The following DOCK5 variants were observed in gnomAD, a reference collection of about 807,000 sequenced individuals.
DOCK5 encodes dedicator of cytokinesis 5.
Under a neutral mutation model 251.8 loss-of-function variants are expected in DOCK5, and 142 were observed. That is an observed-to-expected ratio of 0.56 (90% CI 0.49 to 0.65). The LOEUF is 0.65. Ranked by LOEUF, DOCK5 falls within the 30% of genes least tolerant of loss-of-function variation. The pLI, the probability that DOCK5 is intolerant of heterozygous loss-of-function variation, is 0.00. For missense variants in DOCK5, 2,111 were observed against 2,312.3 expected (o/e 0.91, Z 1.79); for synonymous variants, 842 against 835.5 (o/e 1.01, Z -0.13).
chr8:25,390,320 T>A, intron 42 of DOCK5, 33 bp downstream of exon 42: 1 of 1,247,088 alleles, frequency 8.0e-7, no homozygotes, highest in Non-Finnish European at 1.1e-6. Context: ...AAAAAAAAAA[T>A]CTGTGTCTAG....
At chr8:25,267,475 G>T (rs892993133) in intron 2 of DOCK5, among the ~76,000 whole-genome samples, 5 of 152,232 alleles carry the variant, frequency 3.3e-5, no homozygotes, top group African/African-American at 1.2e-4. Context: ...AGTAGAGTAT[G>T]TGTCTATTTT....
chr8:25,359,162 C>T (rs530822603), intron 28 of DOCK5, 101 bp downstream of exon 28: 65 of 977,918 alleles, frequency 6.6e-5, no homozygotes, highest in Non-Finnish European at 9.3e-5. Context: ...TCTCTTCCCA[C>T]GCACCTCCGG....
rs747968927 is a variant in DOCK5 at position 25,368,721 on chromosome 8, A to G, written c.3434A>G (p.His1145Arg). 3.7e-6 allele frequency: 6 copies of G among 1,612,630 alleles called. No individual in the cohort carries two copies. The East Asian group carries it at 8.9e-5, about 24-fold the overall frequency. ...AATTTCAGTGGAAATGGCAATTTCCATATGGTAAGAAGTGGCAGACCGCGT... is the reference window on the plus strand; with the variant it reads ...AATTTCAGTGGAAATGGCAATTTCCGTATGGTAAGAAGTGGCAGACCGCGT... ...EFNFSGNGNF[H>R]MFENELITKL... Residue 1145 changes from histidine to arginine, a missense_variant, in exon 33 of 52, where the codon CAT (histidine) becomes CGT (arginine). Physicochemically the swap from His to Arg is conservative, Grantham distance 29 (BLOSUM62 0). Around this residue, in one of 3 missense-constraint regions of DOCK5, gnomAD observed 1,717 missense variants for 1,892.4 expected, o/e 0.91. Coordinates refer to ENST00000276440, the MANE Select transcript of DOCK5 (RefSeq NM_024940.8).
intron 34 of DOCK5, among the ~76,000 whole-genome samples, chr8:25,369,999 T>C (rs147225793): frequency 1.8e-4 from 27 of 152,366 alleles, no homozygotes; most frequent in Non-Finnish European, 3.5e-4. Flanking sequence ...GGAAAAAATA[T>C]TTCAAGGTCT....
chr8:25,206,977 G>C (rs1280681981), intron 1 of DOCK5, among the ~76,000 whole-genome samples: 3 of 152,300 alleles, frequency 2.0e-5, no homozygotes, highest in East Asian at 3.9e-4. Flanking sequence ...AGTGGCCCCT[G>C]TTCTTAGCAG....
At chr8:25,261,583 G>A (rs76058624) in intron 2 of DOCK5, among the ~76,000 whole-genome samples, 5,149 of 152,170 alleles carry the variant, frequency 0.034, 265 homozygotes, top group African/African-American at 0.11. Context: ...TTCATCTGAC[G>A]GTGTCAATTT....
chr8:25,393,291 G>A (rs1184633580), intron 44 of DOCK5, among the ~76,000 whole-genome samples: 1 of 152,092 alleles, frequency 6.6e-6, no homozygotes, highest in Non-Finnish European at 1.5e-5. Context: ...CCCAAAAGCT[G>A]CTTATTTTAC....
chr8:25,408,137 C>T lies in DOCK5; in HGVS notation c.5248C>T (p.Pro1750Ser), dbSNP rs1225927572. ...SKSQVIAEKA[P>S]EPDLMSPTRK... is the part of the protein sequence containing the mutation. ...GTCCCAGGTCATTGCAGAGAAAGCA[C>T]CAGAACCCGATTTGATGGTAAAAAA... The change falls in exon 49 of 52, where the codon CCA (proline) becomes TCA (serine). Residue 1750 changes from proline (P) to serine (S), a missense_variant. This residue lies in a region of DOCK5 where 1,717 missense variants were observed against 1,892.4 expected (regional missense o/e 0.91). Transcript: ENST00000276440. 5.7e-6 allele frequency: 9 copies of T among 1,589,720 alleles called. No homozygotes were observed. Among genetic ancestry groups the T allele is most frequent in the Non-Finnish European group, 7.7e-6 (9 of 1,168,488 alleles).
At chr8:25,234,192 G>A (rs553472382) in intron 1 of DOCK5, among the ~76,000 whole-genome samples, 1 of 152,310 alleles carries the variant, frequency 6.6e-6, no homozygotes, top group South Asian at 2.1e-4. Flanking sequence ...CATATAGAGA[G>A]GATAATCGGT....
chr8:25,245,191 G>A (rs1415724928), intron 2 of DOCK5, among the ~76,000 whole-genome samples: 1 of 151,924 alleles, frequency 6.6e-6, no homozygotes, highest in Non-Finnish European at 1.5e-5. Flanking sequence ...CAAGTAGCTG[G>A]GACTACAGGT....
rs1004296027 is a variant in DOCK5 at position 25,407,958 on chromosome 8, G to A, written c.5094-25G>A. 4 of 1,601,208 alleles carry A rather than the reference G, an allele frequency of 2.5e-6. No individual in the cohort carries two copies. The African/African-American group carries it at 5.4e-5, about 22-fold the overall frequency. On this transcript the variant is annotated intron_variant, in intron 48 of 51. Coordinates refer to ENST00000276440, the MANE Select transcript of DOCK5 (RefSeq NM_024940.8). The stretch of plus-strand genomic sequence containing the variant: ...TTGCAAGGTGATCAGTATTTGTGAT[G>A]TTTGTCCTTGTTCCTGGCCAATAGC...
At chr8:25,283,465 C>T (rs550431252) in intron 5 of DOCK5, among the ~76,000 whole-genome samples, 7 of 152,182 alleles carry the variant, frequency 4.6e-5, no homozygotes, top group East Asian at 3.9e-4. Context: ...CCGTGTTGAC[C>T]GCGTAGAACT....
At chr8:25,354,949 T>C (rs1432119597) in intron 27 of DOCK5, among the ~76,000 whole-genome samples, 1 of 152,098 alleles carries the variant, frequency 6.6e-6, no homozygotes, top group African/African-American at 2.4e-5. Flanking sequence ...ATCAAGATAT[T>C]TAGGCCAAGC....
intron 1 of DOCK5, among the ~76,000 whole-genome samples, chr8:25,241,247 C>CT (rs1802935034): frequency 1.3e-5 from 2 of 152,078 alleles, no homozygotes; most frequent in Non-Finnish European, 1.5e-5. Flanking sequence ...GAGGCTGAGG[C>CT]GGGTGGATCA....
At chr8:25,229,183 T>A (rs1368038644) in intron 1 of DOCK5, among the ~76,000 whole-genome samples, 1 of 152,092 alleles carries the variant, frequency 6.6e-6, no homozygotes, top group Non-Finnish European at 1.5e-5. Context: ...GTTTCTTGAC[T>A]TAAACAAATT....
At position 25,413,555 on chromosome 8, in the gene DOCK5, C is replaced by G. The variant is rs1336363891; in HGVS notation, c.*2257C>G. The G allele has an allele frequency of 1.3e-5, 2 of 152,194 alleles. No homozygotes were observed. The highest frequency in any genetic ancestry group is 1.9e-4 in the East Asian group (1 of 5,192). The allele number at this position is 152,194 out of a possible 1,614,324, so 9.4% of individuals were successfully genotyped here. A position where few individuals can be genotyped will look rare whatever the true frequency, so the allele number is the denominator to read the frequency against. ...CTAGAGGGGATTTGTGTGCCACACT[C>G]TACTTGCCGGGCTGCCATTAAAATA... is the stretch of plus-strand genomic sequence containing the variant. On this transcript the variant is annotated 3_prime_UTR_variant, in exon 52 of 52. Transcript: ENST00000276440.
At chr8:25,316,729 A>G (rs1805261839) in intron 13 of DOCK5, among the ~76,000 whole-genome samples, 1 of 152,206 alleles carries the variant, frequency 6.6e-6, no homozygotes, top group Non-Finnish European at 1.5e-5. Context: ...CTAACAATAT[A>G]TACTATGTAT....
intron 40 of DOCK5, among the ~76,000 whole-genome samples, chr8:25,385,561 G>A (rs1165001229): frequency 6.6e-6 from 1 of 152,166 alleles, no homozygotes; most frequent in African/African-American, 2.4e-5. Flanking sequence ...GAGTCACAGA[G>A]GAGAGAATGA....
At chr8:25,339,050 T>C (rs1327528793) in intron 22 of DOCK5, among the ~76,000 whole-genome samples, 2 of 152,136 alleles carry the variant, frequency 1.3e-5, no homozygotes, top group Admixed American at 1.3e-4. Context: ...CCTTATATGT[T>C]ATTAAAGAAG....
Sources: allele counts gnomAD v4.1 joint callset (sites outside exome capture counted in the v4.1 genomes callset), GRCh38; gene constraint gnomAD v4.1.1; regional missense constraint gnomAD v4.1.1; transcripts MANE v1.5; gene names NCBI Gene and HGNC (gene_info 2026-07-23, HGNC 2026-07-21).